The following FARS2 variants were observed in gnomAD, a reference collection of about 807,000 sequenced individuals.
FARS2 encodes the protein phenylalanine--tRNA ligase, mitochondrial.
Under a neutral mutation model 46.4 loss-of-function variants are expected in FARS2, and 40 were observed. That is an observed-to-expected ratio of 0.86 (90% CI 0.67 to 1.12). The LOEUF is 1.12. Ranked by LOEUF, FARS2 falls within the 50% of genes most tolerant of loss-of-function variation. FARS2 has a pLI of 0.00. For synonymous variants in FARS2, 234 were observed against 214.9 expected (o/e 1.09, Z -0.78); for missense variants, 513 against 567.9 (o/e 0.90, Z 0.98).
chr6:5,652,705 G>A (rs1777427496), intron 6 of FARS2, among the ~76,000 whole-genome samples: 1 of 152,216 alleles, frequency 6.6e-6, no homozygotes, highest in South Asian at 2.1e-4. Context: ...TGGCCTTGTG[G>A]GGTGCCTGGA....
In FARS2 at chr6:5,368,539, G is replaced by A; in HGVS notation, c.-21-11G>A. On this transcript the variant is annotated splice_polypyrimidine_tract_variant and intron_variant, in intron 1 of 6. Transcript: ENST00000274680. Reference sequence around the variant, plus strand: ...CACCTGACTTGTGCTTTGCCTGTGTGCTCTTTCCAGAACCTGTGAGAAGTT... The same window carrying A: ...CACCTGACTTGTGCTTTGCCTGTGTACTCTTTCCAGAACCTGTGAGAAGTT... The A allele has an allele frequency of 2.5e-6, 4 of 1,573,876 alleles. No individual in the cohort carries two copies. Among genetic ancestry groups the A allele is most frequent in the Admixed American group, 1.8e-5 (1 of 56,848 alleles).
chr6:5,257,556 G>A (rs879216442), upstream of FARS2, among the ~76,000 whole-genome samples: 5 of 152,196 alleles, frequency 3.3e-5, no homozygotes, highest in African/African-American at 1.2e-4. Context: ...CTGGTCCGTG[G>A]CCTGTTAGGA....
At chr6:5,498,297 G>C (rs181269993) in intron 4 of FARS2, among the ~76,000 whole-genome samples, 256 of 152,318 alleles carry the variant, frequency 1.7e-3, no homozygotes, top group African/African-American at 5.9e-3. Context: ...AGAGTTTTCA[G>C]GCTCCTTATT....
At chr6:5,572,982 A>T (rs1772745429) in intron 5 of FARS2, among the ~76,000 whole-genome samples, 1 of 152,190 alleles carries the variant, frequency 6.6e-6, no homozygotes, top group Non-Finnish European at 1.5e-5. Flanking sequence ...TAAGGAATAG[A>T]TCTTGAGTTC....
chr6:5,297,051 G>C (rs1284659289), intron 1 of FARS2, among the ~76,000 whole-genome samples: 1 of 152,204 alleles, frequency 6.6e-6, no homozygotes, highest in Non-Finnish European at 1.5e-5. Context: ...CAGAGCACAG[G>C]GGTTCCAATT....
intron 4 of FARS2, among the ~76,000 whole-genome samples, chr6:5,544,813 T>A (rs2326613): frequency 6.6e-6 from 1 of 152,004 alleles, no homozygotes; most frequent in Non-Finnish European, 1.5e-5. Flanking sequence ...AGAGACCGTC[T>A]TTTCTTTCCA....
At chr6:5,283,548 CAAA>C (rs11397113) in intron 1 of FARS2, among the ~76,000 whole-genome samples, 6 of 124,996 alleles carry the variant, frequency 4.8e-5, no homozygotes, top group Non-Finnish European at 8.5e-5. Flanking sequence ...GACTTTGTTT[CAAA>C]AAAAAAAAAA....
At chr6:5,271,001 G>A (rs1765906041) in intron 1 of FARS2, among the ~76,000 whole-genome samples, 1 of 152,132 alleles carries the variant, frequency 6.6e-6, no homozygotes, top group African/African-American at 2.4e-5. Flanking sequence ...ATGGTGAATT[G>A]CTCTTCAGCT....
At chr6:5,606,754 G>T (rs928381407) in intron 5 of FARS2, among the ~76,000 whole-genome samples, 2 of 152,174 alleles carry the variant, frequency 1.3e-5, no homozygotes, top group African/African-American at 4.8e-5. Flanking sequence ...AGGTGGAGCA[G>T]CTCTGGATGC....
intron 2 of FARS2, among the ~76,000 whole-genome samples, chr6:5,387,326 C>T (rs985348357): frequency 6.6e-6 from 1 of 152,072 alleles, no homozygotes; most frequent in East Asian, 1.9e-4. Context: ...GGGGAAGGCA[C>T]CCTTTTCCTG....
At chr6:5,615,109 TATATC>T (rs1182618032) in intron 6 of FARS2, among the ~76,000 whole-genome samples, 2 of 152,270 alleles carry the variant, frequency 1.3e-5, no homozygotes, top group African/African-American at 4.8e-5. Flanking sequence ...CTCCCTAGTA[TATATC>T]ATTGTGTTTC....
intron 6 of FARS2, among the ~76,000 whole-genome samples, chr6:5,656,933 C>G (rs932186488): frequency 3.0e-4 from 45 of 152,132 alleles, no homozygotes; most frequent in Non-Finnish European, 6.3e-4. Flanking sequence ...GCTAACCATA[C>G]CGTATATGTC....
chr6:5,511,220 A>G (rs1768432913), intron 4 of FARS2, among the ~76,000 whole-genome samples: 1 of 152,230 alleles, frequency 6.6e-6, no homozygotes, highest in African/African-American at 2.4e-5. Flanking sequence ...ATGAGAAGGT[A>G]TTTAAGGGAT....
At chr6:5,754,737 C>T (rs2050903173) in intron 6 of FARS2, among the ~76,000 whole-genome samples, 1 of 152,190 alleles carries the variant, frequency 6.6e-6, no homozygotes, top group South Asian at 2.1e-4. Context: ...ATTCCATTAG[C>T]TCCTGAACTC....
chr6:5,427,343 G>A (rs907825351), intron 3 of FARS2, among the ~76,000 whole-genome samples: 2 of 152,224 alleles, frequency 1.3e-5, no homozygotes, highest in African/African-American at 4.8e-5. Flanking sequence ...GGACATTGGT[G>A]TAGGCAAAGG....
At chr6:5,523,211 G>C (rs1232626581) in intron 4 of FARS2, among the ~76,000 whole-genome samples, 5 of 152,186 alleles carry the variant, frequency 3.3e-5, no homozygotes, top group Non-Finnish European at 2.9e-5. Context: ...TAATGGCAAA[G>C]CTTCCGTCTT....
At chr6:5,425,777 A>C (rs1256536543) in intron 3 of FARS2, among the ~76,000 whole-genome samples, 2 of 152,218 alleles carry the variant, frequency 1.3e-5, no homozygotes, top group Non-Finnish European at 2.9e-5. Context: ...GGCTCTCCTC[A>C]TTCTTGAACA....
rs1762722365 is a variant in FARS2, at chr6:5,765,808, G to C, written c.1218-5483G>C. On this transcript the variant is annotated intron_variant, in intron 6 of 6. Transcript: ENST00000274680. This position sits in a 1 kb window ranked among gnomAD's most constrained non-coding sequence, Gnocchi z 4.0. ...AACTCCCGGATGTGAGCTGGTTGAG[G>C]GCAGATACTGGGTCCCCTTCATGTG... is the stretch of plus-strand genomic sequence containing the variant. 6.6e-6 allele frequency among the ~76,000 whole-genome samples: 1 copy of C among 152,082 alleles called. No individual in the cohort carries two copies. Among genetic ancestry groups the C allele is most frequent in the African/African-American group, 2.4e-5 (1 of 41,398 alleles).
intron 4 of FARS2, among the ~76,000 whole-genome samples, chr6:5,467,792 GA>G (rs1765595053): frequency 6.6e-6 from 1 of 152,106 alleles, no homozygotes. Context: ...TGATTTCTAA[GA>G]TGACTTATGC....
Sources: allele counts gnomAD v4.1 joint callset (sites outside exome capture counted in the v4.1 genomes callset), GRCh38; gene constraint gnomAD v4.1.1; non-coding constraint Gnocchi (gnomAD v3.1); transcripts MANE v1.5; gene names NCBI Gene and HGNC (gene_info 2026-07-23, HGNC 2026-07-21).